The following CLNK variants were observed in gnomAD, a reference collection of about 807,000 sequenced individuals.
The protein encoded by CLNK is cytokine dependent hematopoietic cell linker.
In CLNK, 74 loss-of-function variants were observed where a neutral mutation model predicts 68.6. The observed-to-expected ratio is 1.08, with a 90% CI of 0.89 to 1.31. CLNK has a LOEUF of 1.31. Ranked by LOEUF, CLNK falls within the 50% of genes most tolerant of loss-of-function variation. The probability of loss-of-function intolerance (pLI) is 0.00; values close to 1 mark genes in which losing one functional copy is unlikely to be tolerated. For missense variants in CLNK, 553 were observed against 515.3 expected (o/e 1.07, Z -0.71); for synonymous variants, 198 against 172.2 (o/e 1.15, Z -1.17).
At chr4:10,600,649 A>AT (rs1207291670) in intron 2 of CLNK, among the ~76,000 whole-genome samples, 5 of 152,322 alleles carry the variant, frequency 3.3e-5, no homozygotes, top group South Asian at 4.1e-4. Context: ...GCTTGCAGGA[A>AT]TGTTTGTAAG....
At chr4:10,562,916 A>T (rs1314428116) in intron 7 of CLNK, among the ~76,000 whole-genome samples, 4 of 152,180 alleles carry the variant, frequency 2.6e-5, no homozygotes, top group Admixed American at 2.6e-4. Context: ...GTTCACGGAT[A>T]TGTCTTTAGA....
chr4:10,656,757 G>C (rs750337228), intron 2 of CLNK, among the ~76,000 whole-genome samples: 28 of 152,140 alleles, frequency 1.8e-4, no homozygotes, highest in Non-Finnish European at 3.8e-4. Flanking sequence ...ATGTAAACTG[G>C]ATTGTTCTTA....
At chr4:10,651,633 A>T (rs4697643) in intron 2 of CLNK, among the ~76,000 whole-genome samples, 54,115 of 152,042 alleles carry the variant, frequency 0.36, 9,921 homozygotes, top group Admixed American at 0.44. Context: ...GACCAAAGAC[A>T]AAGAGTATGC....
At chr4:10,667,339 C>T (rs1404881413) in intron 2 of CLNK, among the ~76,000 whole-genome samples, 3 of 149,734 alleles carry the variant, frequency 2.0e-5, no homozygotes, top group Non-Finnish European at 4.4e-5. Flanking sequence ...TTTTTTTTCA[C>T]TATAAATATT....
At chr4:10,679,977 G>C (rs948502035) in intron 1 of CLNK, among the ~76,000 whole-genome samples, 2 of 152,092 alleles carry the variant, frequency 1.3e-5, no homozygotes, top group Non-Finnish European at 2.9e-5. Flanking sequence ...CAGGGATCTA[G>C]AACTAGAAAT....
chr4:10,564,268 GT>G (rs1232566995), intron 7 of CLNK, among the ~76,000 whole-genome samples: 1 of 151,922 alleles, frequency 6.6e-6, no homozygotes, highest in African/African-American at 2.4e-5. Flanking sequence ...GCTTAGAGAG[GT>G]TTCATGACTT....
chr4:10,672,922 C>T (rs1000253413), intron 1 of CLNK, among the ~76,000 whole-genome samples: 7 of 152,170 alleles, frequency 4.6e-5, no homozygotes, highest in African/African-American at 1.7e-4. Flanking sequence ...CTGTTCCAAA[C>T]ACATCTTAAA....
At chr4:10,571,301 T>C (rs929048382) in intron 5 of CLNK, among the ~76,000 whole-genome samples, 8 of 151,418 alleles carry the variant, frequency 5.3e-5, no homozygotes, top group Non-Finnish European at 8.8e-5. Context: ...TGGAAAAGTA[T>C]TTTTTGTTGT....
chr4:10,557,352 G>C (rs189748024), intron 8 of CLNK, among the ~76,000 whole-genome samples: 91 of 152,224 alleles, frequency 6.0e-4, no homozygotes, highest in African/African-American at 1.9e-3. Context: ...TTTCTAGTTA[G>C]GTTTAGCCAT....
chr4:10,618,613 C>G (rs570503263), intron 2 of CLNK, among the ~76,000 whole-genome samples: 1 of 152,180 alleles, frequency 6.6e-6, no homozygotes, highest in Non-Finnish European at 1.5e-5. Flanking sequence ...TTAATTGGCT[C>G]ACGGTTCTGC....
At chr4:10,675,401 A>G (rs1434544476) in intron 1 of CLNK, among the ~76,000 whole-genome samples, 1 of 152,210 alleles carries the variant, frequency 6.6e-6, no homozygotes, top group Non-Finnish European at 1.5e-5. Context: ...TTCAAAAATA[A>G]TTAATATCCT....
At chr4:10,553,687 C>A (rs1218980290) in intron 8 of CLNK, among the ~76,000 whole-genome samples, 1 of 152,194 alleles carries the variant, frequency 6.6e-6, no homozygotes, top group Non-Finnish European at 1.5e-5. Flanking sequence ...CTCCTAACCT[C>A]ACGTGATCCG....
chr4:10,592,969 C>T lies in CLNK; in HGVS notation c.83+5009G>A, dbSNP rs1721233701. Among the ~76,000 whole-genome samples the T allele has an allele frequency of 2.0e-5, 3 of 152,120 alleles. No homozygotes were observed. In the South Asian group the frequency reaches 6.2e-4, roughly 32 times the overall value. ...CTGGAACTCCTGACCTCAAATGATC[C>T]ACCCATCTCAGCCTCCCAAAGTGCT... On this transcript the variant is annotated intron_variant, in intron 3 of 18. Transcript: ENST00000226951.
At chr4:10,597,653 A>G (rs1415642745) in intron 3 of CLNK, among the ~76,000 whole-genome samples, 1 of 152,118 alleles carries the variant, frequency 6.6e-6, no homozygotes, top group African/African-American at 2.4e-5. Context: ...CCATCATTCA[A>G]ATCATTCATT....
intron 2 of CLNK, among the ~76,000 whole-genome samples, chr4:10,633,136 C>A (rs1722953907): frequency 6.6e-6 from 1 of 152,120 alleles, no homozygotes; most frequent in Non-Finnish European, 1.5e-5. Flanking sequence ...TGGGGTTTGG[C>A]CAGTTTGGTC....
At chr4:10,595,712 A>G (rs1227625187) in intron 3 of CLNK, among the ~76,000 whole-genome samples, 1 of 152,168 alleles carries the variant, frequency 6.6e-6, no homozygotes, top group Non-Finnish European at 1.5e-5. Flanking sequence ...AATAATAATT[A>G]CAGCTGCCAT....
chr4:10,680,138 C>T (rs928397316), intron 1 of CLNK, among the ~76,000 whole-genome samples: 5 of 151,856 alleles, frequency 3.3e-5, no homozygotes, highest in Non-Finnish European at 5.9e-5. Context: ...CAATGATAGA[C>T]TGGATGAAGA....
intron 2 of CLNK, among the ~76,000 whole-genome samples, chr4:10,658,656 G>T (rs896706938): frequency 2.6e-5 from 4 of 152,132 alleles, no homozygotes. Flanking sequence ...ACAGTAGAGC[G>T]GCCATAGCAT....
intron 2 of CLNK, among the ~76,000 whole-genome samples, chr4:10,631,995 G>A (rs1722912038): frequency 6.6e-6 from 1 of 152,222 alleles, no homozygotes. Flanking sequence ...TACAGATTGA[G>A]TTGCAGTATA....
Sources: gnomAD v4.1 joint callset for allele counts (sites outside exome capture counted in the v4.1 genomes callset) on GRCh38, gnomAD v4.1.1 for gene constraint, MANE v1.5 for transcripts, NCBI Gene and HGNC (gene_info 2026-07-23, HGNC 2026-07-21) for gene names.